ELAPOR2: variants seen among roughly 807,000 people sequenced by gnomAD.
ELAPOR2 encodes the protein endosome-lysosome associated apoptosis and autophagy regulator family member 2.
In ELAPOR2, 89 loss-of-function variants were observed where a neutral mutation model predicts 120.7. The observed-to-expected ratio is 0.74, with a 90% confidence interval of 0.62 to 0.88. ELAPOR2 has a LOEUF of 0.88. ELAPOR2 is among the 40% of genes least tolerant of loss of function. The probability of loss-of-function intolerance (pLI) is 0.00; values close to 1 mark genes in which losing one functional copy is unlikely to be tolerated. For synonymous variants in ELAPOR2, 444 were observed against 444.9 expected (o/e 1.00, Z 0.03); for missense variants, 1,134 against 1,251.6 (o/e 0.91, Z 1.42).
chr7:86,937,979 C>T, intron 8 of ELAPOR2, 147 bp downstream of exon 8: 1 of 580,974 alleles, frequency 1.7e-6, no homozygotes, highest in South Asian at 2.3e-5. Flanking sequence ...GCCAGGAAGG[C>T]AGACTTCAAA....
rs533822010 is a variant in ELAPOR2 at position 86,990,585 on chromosome 7, C to A, written c.190-25561G>T. On this transcript the variant is annotated intron_variant, in intron 1 of 21. Coordinates refer to ENST00000450689, the MANE Select transcript of ELAPOR2 (RefSeq NM_001142749.3). ...GAAAATGAACTAAAAGAGTTCATTT[C>A]TTCACATGAAGAAATGATCCTTGTA... Among the ~76,000 whole-genome samples the A allele has an allele frequency of 5.9e-5, 9 of 152,238 alleles. 1 individual carries two copies. The highest frequency in any genetic ancestry group is 1.9e-4 in the African/African-American group (8 of 41,546).
chr7:87,022,210 C>T (rs1247947961), intron 1 of ELAPOR2, among the ~76,000 whole-genome samples: 5 of 149,212 alleles, frequency 3.4e-5, no homozygotes, highest in Admixed American at 2.0e-4. Context: ...GTTATATCTC[C>T]TAATGCTATC....
intron 1 of ELAPOR2, among the ~76,000 whole-genome samples, chr7:86,980,217 T>G (rs1767715): frequency 6.6e-6 from 1 of 151,990 alleles, no homozygotes; most frequent in Non-Finnish European, 1.5e-5. Context: ...ATAGTGCCTT[T>G]GAATTAAGGA....
At chr7:86,993,022 G>A (rs561738316) in intron 1 of ELAPOR2, among the ~76,000 whole-genome samples, 6 of 152,106 alleles carry the variant, frequency 3.9e-5, no homozygotes, top group Non-Finnish European at 7.4e-5. Context: ...TGGATCACGA[G>A]GTCAAGAGAT....
intron 1 of ELAPOR2, among the ~76,000 whole-genome samples, chr7:87,005,812 A>G (rs1237453589): frequency 6.6e-6 from 1 of 152,216 alleles, no homozygotes; most frequent in African/African-American, 2.4e-5. Flanking sequence ...TTAAAACTAT[A>G]AACATTTTGA....
rs191925596 is a variant in ELAPOR2 at position 86,892,721 on chromosome 7, T to C, written c.2864+201A>G. On this transcript the variant is annotated intron_variant, in intron 20 of 21. Transcript: ENST00000450689. ...ATGACTCTAACTCAATGATCTCTAA[T>C]GTTCTATGATCTTTCTACTGTCAGA... Among the ~76,000 whole-genome samples, 445 of 152,222 alleles carry C rather than the reference T, an allele frequency of 2.9e-3. 2 individuals carry two copies. The highest frequency in any genetic ancestry group is 0.01 in the Admixed American group (156 of 15,270).
At chr7:86,897,722 T>G (rs776837480) in intron 18 of ELAPOR2, 90 bp from the exon 19 acceptor site, 2 of 1,441,992 alleles carry the variant, frequency 1.4e-6, no homozygotes, top group African/African-American at 2.8e-5. Context: ...ACCTATCACA[T>G]GCTGGGGAGC....
chr7:87,059,491 G>A lies in ELAPOR2; in HGVS notation c.23C>T (p.Pro8Leu). 8.3e-7 allele frequency: 1 copy of A among 1,206,222 alleles called. No individual in the cohort carries two copies. The highest frequency in any genetic ancestry group is 1.0e-6 in the Non-Finnish European group (1 of 970,548). The allele number at this position is 1,206,222 out of a possible 1,614,324, so 74.7% of individuals were successfully genotyped here. A position where few individuals can be genotyped will look rare whatever the true frequency, so the allele number is the denominator to read the frequency against. Residue 8 changes from proline (P) to leucine (L), a missense_variant, in exon 1 of 22, where the codon CCG (proline) becomes CTG (leucine). Transcript: ENST00000450689. MLFRARG[P>L]VRGRGWGRPA... is the part of the protein sequence containing the mutation. ...CCGCCCCCAGCCCCTGCCCCGTACC[G>A]GCCCCCGGGCGCGGAACAGCATCTT...
At chr7:86,896,256 A>T (rs1336464868) in intron 19 of ELAPOR2, among the ~76,000 whole-genome samples, 1 of 152,006 alleles carries the variant, frequency 6.6e-6, no homozygotes, top group Non-Finnish European at 1.5e-5. Context: ...TTAAAACTTT[A>T]TCTCACTTTT....
chr7:86,952,205 C>G (rs1015584301), intron 2 of ELAPOR2, among the ~76,000 whole-genome samples: 1 of 152,222 alleles, frequency 6.6e-6, no homozygotes. Context: ...TAAATTTTAG[C>G]AAGTAGTCAA....
intron 1 of ELAPOR2, among the ~76,000 whole-genome samples, chr7:86,993,234 CAAAAAAAA>C (rs1159917841): frequency 3.5e-5 from 2 of 57,146 alleles, no homozygotes; most frequent in African/African-American, 1.2e-4. Flanking sequence ...GACTCCATCT[CAAAAAAAA>C]AAAAAAAAGA....
intron 18 of ELAPOR2, among the ~76,000 whole-genome samples, chr7:86,905,637 GAA>G: frequency 6.9e-6 from 1 of 144,922 alleles, no homozygotes; most frequent in African/African-American, 2.5e-5. Flanking sequence ...ATCTGTCTCA[GAA>G]AAAAAAAAAT....
intron 4 of ELAPOR2, 76 bp from the exon 5 acceptor site, chr7:86,942,180 C>A: frequency 3.9e-6 from 3 of 777,032 alleles, no homozygotes; most frequent in Non-Finnish European, 6.6e-6. Flanking sequence ...CCAGCACAGA[C>A]TGCAAGAACC....
At chr7:86,917,119 T>C (rs1789604164) in intron 12 of ELAPOR2, among the ~76,000 whole-genome samples, 1 of 151,788 alleles carries the variant, frequency 6.6e-6, no homozygotes, top group South Asian at 2.1e-4. Flanking sequence ...CTGTTCCTTT[T>C]ATGTTTAAGG....
intron 7 of ELAPOR2, among the ~76,000 whole-genome samples, chr7:86,938,455 T>C (rs1790658374): frequency 6.6e-6 from 1 of 152,066 alleles, no homozygotes; most frequent in South Asian, 2.1e-4. Flanking sequence ...AGATATTAGA[T>C]TTCTTCCATC....
At chr7:86,950,328 A>C (rs1791192670) in intron 2 of ELAPOR2, among the ~76,000 whole-genome samples, 1 of 152,226 alleles carries the variant, frequency 6.6e-6, no homozygotes, top group Admixed American at 6.5e-5. Flanking sequence ...GAGTTTTAAC[A>C]AATAGGGCTG....
intron 1 of ELAPOR2, among the ~76,000 whole-genome samples, chr7:87,039,712 TA>T (rs1158884842): frequency 6.6e-6 from 1 of 152,152 alleles, no homozygotes; most frequent in Admixed American, 6.5e-5. Flanking sequence ...AACATCCCTT[TA>T]TGATAAAAAA....
At chr7:86,994,346 A>G (rs557210805) in intron 1 of ELAPOR2, among the ~76,000 whole-genome samples, 1 of 152,330 alleles carries the variant, frequency 6.6e-6, no homozygotes, top group East Asian at 1.9e-4. Flanking sequence ...TGAGTAAATA[A>G]AAGTCATTTA....
chr7:86,906,675 GA>G (rs1303693524), intron 18 of ELAPOR2, among the ~76,000 whole-genome samples: 6 of 151,744 alleles, frequency 4.0e-5, no homozygotes, highest in Admixed American at 2.0e-4. Flanking sequence ...ATTTGATAGA[GA>G]AAAAAAATCT....
Sources: gnomAD v4.1 joint callset for allele counts (sites outside exome capture counted in the v4.1 genomes callset) on GRCh38, gnomAD v4.1.1 for gene constraint, MANE v1.5 for transcripts, NCBI Gene and HGNC (gene_info 2026-07-23, HGNC 2026-07-21) for gene names.